Variants in LRRC37A2 observed in about 807,000 individuals in gnomAD.
LRRC37A2 encodes the protein leucine-rich repeat-containing protein 37A2.
In LRRC37A2, 9 loss-of-function variants were observed where a neutral mutation model predicts 68.8. That is an observed-to-expected ratio of 0.13 (90% CI 0.08 to 0.23). LRRC37A2 has a LOEUF of 0.23. Ranked by LOEUF, LRRC37A2 falls within the 10% of genes least tolerant of loss-of-function variation. LRRC37A2 has a pLI of 1.00. For synonymous variants in LRRC37A2, 63 were observed against 367.6 expected (o/e 0.17, Z 9.48); for missense variants, 168 against 950.4 (o/e 0.18, Z 10.82).
At chr17:46,872,578 C>G in the LRRC37A2 span, 2 of 1,602,066 alleles carry the variant, frequency 1.2e-6, no homozygotes, top group Non-Finnish European at 1.7e-6. Flanking sequence ...AGCCCCGGCA[C>G]AGGGCGGGGC....
At chr17:47,044,618 G>T in the LRRC37A2 span, among the ~76,000 whole-genome samples, 2,341 of 150,100 alleles carry the variant, frequency 0.016, 41 homozygotes, top group African/African-American at 0.055. Context: ...GATTCCAGAT[G>T]AAAGTTATAC....
At chr17:46,875,290 A>G in the LRRC37A2 span, 5 of 1,614,026 alleles carry the variant, frequency 3.1e-6, no homozygotes, top group Non-Finnish European at 4.2e-6. Context: ...TTTCTGAGCA[A>G]CTTCCTGGGG....
At chr17:46,904,153 C>A in the LRRC37A2 span, among the ~76,000 whole-genome samples, 3 of 134,116 alleles carry the variant, frequency 2.2e-5, no homozygotes, top group Non-Finnish European at 4.8e-5. Flanking sequence ...GGTGGCTGGG[C>A]AGATGAATTA....
chr17:46,737,539 T>G, the LRRC37A2 span, among the ~76,000 whole-genome samples: 1 of 150,600 alleles, frequency 6.6e-6, no homozygotes, highest in East Asian at 2.0e-4. Flanking sequence ...AGATGATTGC[T>G]TTTTTCTAAT....
chr17:47,024,889 C>A, the LRRC37A2 span: 2 of 575,318 alleles, frequency 3.5e-6, no homozygotes, highest in African/African-American at 3.8e-5. Flanking sequence ...GGGTCTCAGC[C>A]CATCTCTAGC....
At chr17:46,526,495 A>G (rs2052780855) in intron 6 of LRRC37A2, among the ~76,000 whole-genome samples, 1 of 104,874 alleles carries the variant, frequency 9.5e-6, no homozygotes, top group South Asian at 4.5e-4. Flanking sequence ...GGGCCCCTGG[A>G]AATTTTTGTA....
the LRRC37A2 span, among the ~76,000 whole-genome samples, chr17:46,970,166 G>C: frequency 2.6e-5 from 4 of 152,116 alleles, no homozygotes; most frequent in Admixed American, 2.6e-4. Flanking sequence ...TCCATCCCAC[G>C]GCTGTCCTGC....
chr17:46,931,338 A>ACTAT, the LRRC37A2 span: 1 of 693,546 alleles, frequency 1.4e-6, no homozygotes, highest in South Asian at 1.6e-5. Context: ...GCAAAGAAAA[A>ACTAT]GCCCCCTCAA....
At chr17:46,923,092 A>G in the LRRC37A2 span, 2 of 814,846 alleles carry the variant, frequency 2.5e-6, no homozygotes, top group Non-Finnish European at 4.1e-6. Context: ...CCGGCAGGGG[A>G]GGGAGGGTCC....
At chr17:46,934,787 T>C in the LRRC37A2 span, among the ~76,000 whole-genome samples, 1 of 152,192 alleles carries the variant, frequency 6.6e-6, no homozygotes, top group Admixed American at 6.5e-5. Flanking sequence ...ATCGTTGGAA[T>C]GAACGATACT....
the LRRC37A2 span, among the ~76,000 whole-genome samples, chr17:46,949,896 G>A: frequency 6.6e-6 from 1 of 152,206 alleles, no homozygotes; most frequent in Non-Finnish European, 1.5e-5. Context: ...AGGCTGCAGA[G>A]GTAAGTTGAG....
At chr17:46,934,163 C>G in the LRRC37A2 span, among the ~76,000 whole-genome samples, 1 of 144,104 alleles carries the variant, frequency 6.9e-6, no homozygotes, top group Non-Finnish European at 1.5e-5. Flanking sequence ...ATTCCCAGCT[C>G]CACTGGACTT....
the LRRC37A2 span, among the ~76,000 whole-genome samples, chr17:46,866,271 C>G: frequency 6.6e-6 from 1 of 152,150 alleles, no homozygotes; most frequent in Non-Finnish European, 1.5e-5. Flanking sequence ...CTTACTGGGC[C>G]AGGCACTGCC....
chr17:46,808,014 T>A, the LRRC37A2 span, among the ~76,000 whole-genome samples: 1 of 152,370 alleles, frequency 6.6e-6, no homozygotes, highest in Non-Finnish European at 1.5e-5. Context: ...AAGAAGATTC[T>A]GCCCAGCTGC....
the LRRC37A2 span, among the ~76,000 whole-genome samples, chr17:47,022,758 CATTT>C: frequency 1.3e-5 from 2 of 152,198 alleles, no homozygotes; most frequent in Non-Finnish European, 2.9e-5. Flanking sequence ...TCACCCCATT[CATTT>C]AAACTCCTGC....
the LRRC37A2 span, among the ~76,000 whole-genome samples, chr17:46,497,360 T>C: frequency 6.7e-6 from 1 of 149,546 alleles, no homozygotes; most frequent in Non-Finnish European, 1.5e-5. Flanking sequence ...ATTTCTTTTT[T>C]GGGGGGTTTC....
At chr17:46,828,039 T>TGACCTCATGATCCGCC in the LRRC37A2 span, among the ~76,000 whole-genome samples, 4 of 151,924 alleles carry the variant, frequency 2.6e-5, no homozygotes, top group East Asian at 1.9e-4. Flanking sequence ...CTCGATCCGC[T>TGACCTCATGATCCGCC]GACCTCATGA....
the LRRC37A2 span, chr17:46,940,407 A>G: frequency 6.3e-7 from 1 of 1,581,136 alleles, no homozygotes; most frequent in Non-Finnish European, 8.6e-7. Flanking sequence ...CAGCATCTTT[A>G]GACCTAGATC....
chr17:46,875,587 A>G, the LRRC37A2 span, among the ~76,000 whole-genome samples: 1 of 152,194 alleles, frequency 6.6e-6, no homozygotes, highest in Non-Finnish European at 1.5e-5. Context: ...AAGGGTCATG[A>G]GTGTCATTGG....
Sources: allele counts gnomAD v4.1 joint callset (sites outside exome capture counted in the v4.1 genomes callset), GRCh38; gene constraint gnomAD v4.1.1; transcripts MANE v1.5; gene names NCBI Gene and HGNC (gene_info 2026-07-23, HGNC 2026-07-21).